NKAIN2: variants seen among roughly 807,000 people sequenced by gnomAD.
NKAIN2 encodes the protein sodium/potassium transporting ATPase interacting 2.
In NKAIN2, 14 loss-of-function variants were observed where a neutral mutation model predicts 32.6. That is an observed-to-expected ratio of 0.43 (90% CI 0.28 to 0.67). The LOEUF is 0.67. NKAIN2 is among the 30% of genes least tolerant of loss of function. The pLI is 0.17. For synonymous variants in NKAIN2, 80 were observed against 87.2 expected (o/e 0.92, Z 0.46); for missense variants, 198 against 258.3 (o/e 0.77, Z 1.60).
At chr6:124,124,633 A>C (rs541787006) in intron 1 of NKAIN2, among the ~76,000 whole-genome samples, 2 of 152,184 alleles carry the variant, frequency 1.3e-5, no homozygotes, top group Non-Finnish European at 2.9e-5. Flanking sequence ...TCACTTTGTG[A>C]ACCATAGCAG....
intron 1 of NKAIN2, among the ~76,000 whole-genome samples, chr6:123,899,714 C>T (rs1774463913): frequency 6.6e-6 from 1 of 152,184 alleles, no homozygotes; most frequent in Non-Finnish European, 1.5e-5. Flanking sequence ...TCTTGCTTCT[C>T]TCCCTCAAGG....
intron 1 of NKAIN2, among the ~76,000 whole-genome samples, chr6:123,848,346 C>T (rs1038151839): frequency 3.9e-5 from 6 of 152,150 alleles, no homozygotes; most frequent in Non-Finnish European, 7.3e-5. Flanking sequence ...GTGTCCCCAC[C>T]CAAATCTCAT....
intron 1 of NKAIN2, among the ~76,000 whole-genome samples, chr6:123,911,801 G>GTGTA (rs1491517731): frequency 6.8e-5 from 4 of 58,420 alleles, no homozygotes; most frequent in African/African-American, 2.9e-4. Context: ...ATATATATAT[G>GTGTA]TATATATATA....
At chr6:124,259,870 G>C (rs373930048) in intron 1 of NKAIN2, among the ~76,000 whole-genome samples, 3 of 152,096 alleles carry the variant, frequency 2.0e-5, no homozygotes, top group East Asian at 1.9e-4. Flanking sequence ...CAAAAATAGA[G>C]TGTTATGGGG....
chr6:124,820,811 T>C (rs2114883467), intron 6 of NKAIN2, among the ~76,000 whole-genome samples: 1 of 152,204 alleles, frequency 6.6e-6, no homozygotes, highest in East Asian at 1.9e-4. Context: ...GGATCTAGGT[T>C]TTGTGATCCT....
At chr6:124,012,640 T>A (rs1177214402) in intron 1 of NKAIN2, among the ~76,000 whole-genome samples, 1 of 152,132 alleles carries the variant, frequency 6.6e-6, no homozygotes, top group African/African-American at 2.4e-5. Flanking sequence ...TGAGAGCTAT[T>A]CTTCTTACAT....
intron 3 of NKAIN2, among the ~76,000 whole-genome samples, chr6:124,640,546 A>G (rs954788904): frequency 6.6e-6 from 1 of 152,156 alleles, no homozygotes; most frequent in South Asian, 2.1e-4. Flanking sequence ...AAGTGAGAAA[A>G]CAGCAGGAAA....
chr6:124,241,585 G>T (rs1271326718), intron 1 of NKAIN2, among the ~76,000 whole-genome samples: 6 of 152,042 alleles, frequency 3.9e-5, no homozygotes, highest in African/African-American at 1.4e-4. Context: ...CAGAAATAAT[G>T]CCACACATCT....
intron 1 of NKAIN2, among the ~76,000 whole-genome samples, chr6:123,854,092 C>T (rs974046400): frequency 1.3e-5 from 2 of 152,116 alleles, no homozygotes; most frequent in East Asian, 3.9e-4. Flanking sequence ...TCTTTCCTTA[C>T]TCATATATTC....
chr6:124,166,269 G>A (rs1172170996), intron 1 of NKAIN2, among the ~76,000 whole-genome samples: 86 of 148,196 alleles, frequency 5.8e-4, no homozygotes, highest in African/African-American at 2.0e-3. Context: ...GATGGCCAGT[G>A]ATGGTGAGCA....
intron 4 of NKAIN2, among the ~76,000 whole-genome samples, chr6:124,672,836 A>T (rs1036635869): frequency 6.6e-6 from 1 of 152,078 alleles, no homozygotes; most frequent in Non-Finnish European, 1.5e-5. Context: ...CAGTTTCCTC[A>T]TCTGTAATAG....
chr6:124,429,533 C>A (rs1284934895), intron 3 of NKAIN2, among the ~76,000 whole-genome samples: 1 of 152,174 alleles, frequency 6.6e-6, no homozygotes, highest in Non-Finnish European at 1.5e-5. Flanking sequence ...GGTTGGCTCT[C>A]TCCAGATGGA....
intron 3 of NKAIN2, among the ~76,000 whole-genome samples, chr6:124,492,610 G>C (rs907158402): frequency 6.6e-6 from 1 of 151,826 alleles, no homozygotes; most frequent in Non-Finnish European, 1.5e-5. Context: ...TAATATGTTT[G>C]TTCAGATATC....
At chr6:124,012,139 C>A (rs889242003) in intron 1 of NKAIN2, among the ~76,000 whole-genome samples, 12 of 152,006 alleles carry the variant, frequency 7.9e-5, no homozygotes, top group African/African-American at 2.7e-4. Context: ...GAAATCATTA[C>A]CATAATCAAG....
chr6:123,870,219 A>G (rs1228156748), intron 1 of NKAIN2, among the ~76,000 whole-genome samples: 1 of 152,186 alleles, frequency 6.6e-6, no homozygotes, highest in Non-Finnish European at 1.5e-5. Context: ...TAAATATGGT[A>G]TTTCAAATGG....
At chr6:124,249,170 A>T (rs192919160) in intron 1 of NKAIN2, among the ~76,000 whole-genome samples, 1 of 152,134 alleles carries the variant, frequency 6.6e-6, no homozygotes, top group African/African-American at 2.4e-5. Flanking sequence ...CTGTGTTACT[A>T]TGTAGCCACA....
At chr6:124,535,370 A>AT (rs1313760633) in intron 3 of NKAIN2, among the ~76,000 whole-genome samples, 1 of 152,196 alleles carries the variant, frequency 6.6e-6, no homozygotes. Flanking sequence ...TTGTAGTTCA[A>AT]TTTACTAGTT....
chr6:124,338,745 A>G (rs1048403907), intron 2 of NKAIN2, among the ~76,000 whole-genome samples: 6 of 152,182 alleles, frequency 3.9e-5, no homozygotes, highest in African/African-American at 7.2e-5. Context: ...ATAGACCTTC[A>G]CAGTAATTAC....
At chr6:124,413,799 C>T (rs1774333824) in intron 3 of NKAIN2, among the ~76,000 whole-genome samples, 1 of 152,092 alleles carries the variant, frequency 6.6e-6, no homozygotes, top group Non-Finnish European at 1.5e-5. Context: ...TTTGATCATA[C>T]TGGAAATGGT....
Sources: allele counts gnomAD v4.1 joint callset (sites outside exome capture counted in the v4.1 genomes callset), GRCh38; gene constraint gnomAD v4.1.1; transcripts MANE v1.5; gene names NCBI Gene and HGNC (gene_info 2026-07-23, HGNC 2026-07-21).